The following TBC1D5 variants were observed in gnomAD, a reference collection of about 807,000 sequenced individuals.
The protein encoded by TBC1D5 is TBC1 domain family member 5, also known as TBC1 domain family, member 5.
In TBC1D5, 75 loss-of-function variants were observed where a neutral mutation model predicts 100.3. The ratio of observed to expected loss-of-function variants is 0.75; its 90% confidence interval spans 0.62 to 0.91. The LOEUF (loss-of-function observed/expected upper bound fraction) is 0.91. Among genes scored for constraint, TBC1D5 ranks in the 40% least tolerant of loss-of-function variants. The probability of loss-of-function intolerance (pLI) is 0.00; values close to 1 mark genes in which losing one functional copy is unlikely to be tolerated. For synonymous variants in TBC1D5, 323 were observed against 325.6 expected, an observed-to-expected ratio of 0.99 and a Z score of 0.09; for missense variants, 910 against 942.4, an observed-to-expected ratio of 0.97 and a Z score of 0.45.
chr3:17,577,760 C>G (rs1033535793), intron 2 of TBC1D5, among the ~76,000 whole-genome samples: 3 of 152,078 alleles, frequency 2.0e-5, no homozygotes, highest in African/African-American at 7.2e-5. Context: ...AACAAATACT[C>G]TGACCATAAA....
At chr3:17,445,437 T>C (rs1215243825) in intron 3 of TBC1D5, among the ~76,000 whole-genome samples, 1 of 152,008 alleles carries the variant, frequency 6.6e-6, no homozygotes, top group African/African-American at 2.4e-5. Context: ...TAAAAAGATA[T>C]ATAATATATA....
chr3:17,303,963 A>G (rs1448700940), intron 14 of TBC1D5, among the ~76,000 whole-genome samples: 1 of 150,894 alleles, frequency 6.6e-6, no homozygotes, highest in African/African-American at 2.4e-5. Flanking sequence ...CACATCTCCA[A>G]GTCATTTCCC....
At chr3:17,372,047 C>CAAACAAACAAACAAAA in intron 13 of TBC1D5, 28 bp downstream of exon 13, 1 of 1,579,282 alleles carries the variant, frequency 6.3e-7, no homozygotes, top group South Asian at 1.2e-5. Context: ...AAAAAACAAA[C>CAAACAAACAAACAAAA]AAACAAACAA....
In TBC1D5 at chr3:17,489,832, CGTT is replaced by C. The variant is rs1340363881; in HGVS notation, c.97+18639_97+18641del. ...GCAATGAACATATGTGTGCATGTAT[CGTT>C]GTAATAGATTGATTTATATTCCTTC... On this transcript the variant is annotated intron_variant, in intron 3 of 21. Transcript: ENST00000253692. 4.6e-5 allele frequency among the ~76,000 whole-genome samples: 7 copies of C among 152,284 alleles called. No homozygotes were observed. In the East Asian group the frequency reaches 9.6e-4, roughly 21 times the overall value.
At chr3:17,361,853 A>G (rs2091746191) in intron 13 of TBC1D5, among the ~76,000 whole-genome samples, 1 of 152,088 alleles carries the variant, frequency 6.6e-6, no homozygotes, top group Non-Finnish European at 1.5e-5. Flanking sequence ...AGGAAAATAA[A>G]CCCAACGTAA....
chr3:17,405,437 A>G (rs2093746002), intron 5 of TBC1D5, among the ~76,000 whole-genome samples: 1 of 151,986 alleles, frequency 6.6e-6, no homozygotes, highest in African/African-American at 2.4e-5. Flanking sequence ...CCTTTTACAG[A>G]AAAAAAATGT....
chr3:17,562,554 A>T (rs2096566227), intron 2 of TBC1D5, among the ~76,000 whole-genome samples: 1 of 152,088 alleles, frequency 6.6e-6, no homozygotes, highest in South Asian at 2.1e-4. Flanking sequence ...TATACACTAA[A>T]CACTGCTCAA....
At chr3:17,439,010 T>C (rs2094587594) in intron 3 of TBC1D5, among the ~76,000 whole-genome samples, 1 of 152,132 alleles carries the variant, frequency 6.6e-6, no homozygotes, top group Non-Finnish European at 1.5e-5. Flanking sequence ...TTCACTGTCT[T>C]TCAAATAATA....
intron 1 of TBC1D5, among the ~76,000 whole-genome samples, chr3:17,627,929 C>G (rs1177455277): frequency 6.6e-6 from 1 of 151,958 alleles, no homozygotes; most frequent in African/African-American, 2.4e-5. Context: ...CGTATTTTTT[C>G]ACATCTGCAT....
intron 19 of TBC1D5, among the ~76,000 whole-genome samples, chr3:17,178,368 T>A (rs2068056406): frequency 6.6e-6 from 1 of 152,154 alleles, no homozygotes. Context: ...CCTGGCCTAG[T>A]GCTCCATTCT....
intron 19 of TBC1D5, among the ~76,000 whole-genome samples, chr3:17,180,791 A>G (rs1374417541): frequency 6.6e-6 from 1 of 152,030 alleles, no homozygotes; most frequent in Non-Finnish European, 1.5e-5. Flanking sequence ...GTGGTGAGGG[A>G]TGAGAAATCA....
intron 3 of TBC1D5, among the ~76,000 whole-genome samples, chr3:17,499,713 T>C (rs2095761166): frequency 6.7e-6 from 1 of 149,014 alleles, no homozygotes; most frequent in African/African-American, 2.6e-5. Context: ...ATCTAAACCC[T>C]TACTCTACTG....
intron 15 of TBC1D5, among the ~76,000 whole-genome samples, chr3:17,265,170 G>C (rs76291976): frequency 1.2e-3 from 181 of 152,156 alleles, no homozygotes; most frequent in African/African-American, 4.2e-3. Flanking sequence ...AATAATCAAA[G>C]TGATTTCCTG....
chr3:17,458,705 G>A (rs73161488), intron 3 of TBC1D5, among the ~76,000 whole-genome samples: 13,871 of 152,128 alleles, frequency 0.091, 1,427 homozygotes, highest in African/African-American at 0.26. Flanking sequence ...AGTGGTCAAG[G>A]CAAGCTGTGA....
intron 3 of TBC1D5, among the ~76,000 whole-genome samples, chr3:17,461,391 T>A (rs1360979328): frequency 6.6e-6 from 1 of 152,190 alleles, no homozygotes; most frequent in African/African-American, 2.4e-5. Flanking sequence ...AAGATTTCCA[T>A]CATTCACTAA....
At chr3:17,296,347 T>G (rs2082256366) in intron 14 of TBC1D5, among the ~76,000 whole-genome samples, 1 of 152,188 alleles carries the variant, frequency 6.6e-6, no homozygotes, top group African/African-American at 2.4e-5. Context: ...GAGAAAACAT[T>G]CAATAAATGT....
intron 16 of TBC1D5, among the ~76,000 whole-genome samples, chr3:17,251,434 C>A (rs991526493): frequency 6.9e-6 from 1 of 145,326 alleles, no homozygotes; most frequent in African/African-American, 2.5e-5. Flanking sequence ...AACCCCCCCC[C>A]CCCCAGTAGA....
At chr3:17,368,798 T>C (rs943551457) in intron 13 of TBC1D5, among the ~76,000 whole-genome samples, 1 of 152,112 alleles carries the variant, frequency 6.6e-6, no homozygotes, top group East Asian at 1.9e-4. Context: ...ATATCTGGCA[T>C]GCAAAAGCAC....
chr3:17,679,079 G>GAA (rs34135899), intron 1 of TBC1D5, among the ~76,000 whole-genome samples: 2 of 142,032 alleles, frequency 1.4e-5, no homozygotes, highest in Admixed American at 6.9e-5. Context: ...AAAAGTTACA[G>GAA]AAAAAAAAAA....
Sources: gnomAD v4.1 joint callset for allele counts (sites outside exome capture counted in the v4.1 genomes callset) on GRCh38, gnomAD v4.1.1 for gene constraint, MANE v1.5 for transcripts, NCBI Gene and HGNC (gene_info 2026-07-23, HGNC 2026-07-21) for gene names.